Variants in DAB1 observed in about 807,000 individuals in gnomAD.
DAB1 encodes DAB adaptor protein 1, also known as disabled homolog 1.
In DAB1, 15 loss-of-function variants were observed where a neutral mutation model predicts 64.6. The ratio of observed to expected loss-of-function variants is 0.23; its 90% CI spans 0.16 to 0.36. The LOEUF (loss-of-function observed/expected upper bound fraction) is 0.36. Ranked by LOEUF, DAB1 falls within the 10% of genes least tolerant of loss-of-function variation. The probability of loss-of-function intolerance (pLI) is 1.00; values close to 1 mark genes in which losing one functional copy is unlikely to be tolerated. For missense variants in DAB1, 596 were observed against 706.7 expected (o/e 0.84, Z 1.78); for synonymous variants, 235 against 251.9 (o/e 0.93, Z 0.64).
At chr1:58,218,113 T>C (rs1054008581) in intron 4 of DAB1, among the ~76,000 whole-genome samples, 1 of 152,172 alleles carries the variant, frequency 6.6e-6, no homozygotes, top group African/African-American at 2.4e-5. Flanking sequence ...TACTCTATCC[T>C]TGCCTTCTGG....
intron 6 of DAB1, among the ~76,000 whole-genome samples, chr1:57,734,021 G>GC (rs1647563799): frequency 2.0e-5 from 3 of 152,044 alleles, no homozygotes; most frequent in Admixed American, 6.6e-5. Flanking sequence ...CTTTCACCCA[G>GC]CCCCCAGGGT....
At chr1:57,265,060 G>T (rs1670484929) in intron 2 of DAB1, among the ~76,000 whole-genome samples, 1 of 152,182 alleles carries the variant, frequency 6.6e-6, no homozygotes, top group African/African-American at 2.4e-5. Flanking sequence ...CCAGGGAGAT[G>T]AGGATACTGG....
intron 7 of DAB1, among the ~76,000 whole-genome samples, chr1:57,629,131 C>A (rs1558555901): frequency 6.6e-6 from 1 of 152,134 alleles, no homozygotes; most frequent in African/African-American, 2.4e-5. Context: ...TCTTCAGAAA[C>A]TCATACAATT....
intron 2 of DAB1, among the ~76,000 whole-genome samples, chr1:57,224,596 C>G (rs375646563): frequency 1.3e-5 from 2 of 152,360 alleles, no homozygotes; most frequent in African/African-American, 4.8e-5. Context: ...CTGTGTTCCT[C>G]TGAACAGCAT....
chr1:57,197,343 CAAAAA>C (rs772162205), intron 2 of DAB1, among the ~76,000 whole-genome samples: 1 of 90,114 alleles, frequency 1.1e-5, no homozygotes, highest in African/African-American at 3.8e-5. Flanking sequence ...GACTTCATCT[CAAAAA>C]AAAAAAAAAA....
chr1:57,161,771 G>T (rs1304687585), intron 2 of DAB1, among the ~76,000 whole-genome samples: 2 of 151,532 alleles, frequency 1.3e-5, no homozygotes, highest in African/African-American at 2.4e-5. Context: ...ACACCACCCA[G>T]GTACATTTAT....
intron 5 of DAB1, among the ~76,000 whole-genome samples, chr1:57,989,839 A>T (rs190965514): frequency 1.3e-5 from 2 of 152,294 alleles, no homozygotes; most frequent in East Asian, 3.9e-4. Flanking sequence ...ACATGACCCC[A>T]GCTCATTTGA....
At chr1:57,278,979 T>C (rs1323793800) in intron 2 of DAB1, among the ~76,000 whole-genome samples, 5 of 152,208 alleles carry the variant, frequency 3.3e-5, no homozygotes, top group African/African-American at 9.6e-5. Context: ...TGCTGACAGA[T>C]AGTAGCTACC....
chr1:57,349,140 C>A (rs1367351470), intron 1 of DAB1, among the ~76,000 whole-genome samples: 1 of 152,164 alleles, frequency 6.6e-6, no homozygotes, highest in Non-Finnish European at 1.5e-5. Flanking sequence ...GTGGGGCTTT[C>A]TTCATCCTGT....
chr1:58,421,590 A>C (rs75211860), intron 3 of DAB1, among the ~76,000 whole-genome samples: 1,639 of 152,324 alleles, frequency 0.011, 35 homozygotes, highest in African/African-American at 0.037. Flanking sequence ...TCTCAATTTC[A>C]GGAGTCTGAT....
chr1:58,484,836 A>G (rs144361512), intron 3 of DAB1, among the ~76,000 whole-genome samples: 2 of 152,274 alleles, frequency 1.3e-5, no homozygotes, highest in East Asian at 1.9e-4. Flanking sequence ...TTCCAACTAT[A>G]TGATATTCTG....
intron 4 of DAB1, among the ~76,000 whole-genome samples, chr1:58,197,930 T>C (rs188233567): frequency 6.4e-4 from 97 of 152,334 alleles, no homozygotes; most frequent in African/African-American, 2.3e-3. Flanking sequence ...AAGCTGTAAA[T>C]GTAAATCTAT....
intron 2 of DAB1, among the ~76,000 whole-genome samples, chr1:57,161,231 G>T (rs543976310): frequency 6.6e-6 from 1 of 152,260 alleles, no homozygotes; most frequent in South Asian, 2.1e-4. Context: ...AATGACAGGC[G>T]TGGTGCTCAG....
chr1:57,109,772 G>A (rs758197658), intron 4 of DAB1, among the ~76,000 whole-genome samples: 14 of 152,060 alleles, frequency 9.2e-5, no homozygotes, highest in African/African-American at 2.2e-4. Flanking sequence ...AAACATACCC[G>A]GCACATAGTA....
intron 4 of DAB1, among the ~76,000 whole-genome samples, chr1:58,315,314 A>G (rs1662533697): frequency 6.6e-6 from 1 of 152,198 alleles, no homozygotes; most frequent in Non-Finnish European, 1.5e-5. Context: ...AATCTAGGCC[A>G]TCACTACAGA....
chr1:57,397,417 A>G (rs771620442), intron 1 of DAB1, among the ~76,000 whole-genome samples: 4 of 152,052 alleles, frequency 2.6e-5, no homozygotes, highest in East Asian at 1.9e-4. Flanking sequence ...TTTTTGAGAG[A>G]TTATCTATTT....
At chr1:57,962,791 T>C (rs930745289) in intron 5 of DAB1, among the ~76,000 whole-genome samples, 3 of 151,486 alleles carry the variant, frequency 2.0e-5, no homozygotes, top group South Asian at 4.2e-4. Context: ...GAGGATGACT[T>C]GAGCCTGAAA....
chr1:57,716,359 C>G (rs557513612), intron 6 of DAB1, among the ~76,000 whole-genome samples: 4 of 152,246 alleles, frequency 2.6e-5, no homozygotes, highest in African/African-American at 9.6e-5. Context: ...ACTATAGTGC[C>G]AAAATAGCAA....
In DAB1 at chr1:57,326,106, G is replaced by A. The variant is rs192443567; in HGVS notation, c.-136-34940C>T. On this transcript the variant is annotated intron_variant, in intron 1 of 14. Transcript: ENST00000371236. ...AAAGGGGGTACTCCCTGCCCTCAAG[G>A]AGCTCACAGTCTAGCAATGAAATAT... is the stretch of plus-strand genomic sequence containing the variant. 2.4e-4 allele frequency among the ~76,000 whole-genome samples: 36 copies of A among 152,330 alleles called. 1 individual carries two copies. Among genetic ancestry groups the A allele is most frequent in the African/African-American group, 7.0e-4 (29 of 41,572 alleles).
Sources: allele counts gnomAD v4.1 joint callset (sites outside exome capture counted in the v4.1 genomes callset), GRCh38; gene constraint gnomAD v4.1.1; transcripts MANE v1.5; gene names NCBI Gene and HGNC (gene_info 2026-07-23, HGNC 2026-07-21).